HNRNPLL: variants seen among roughly 807,000 people sequenced by gnomAD.
HNRNPLL encodes the protein heterogeneous nuclear ribonucleoprotein L like.
Under a neutral mutation model 67.1 loss-of-function variants are expected in HNRNPLL, and 25 were observed. The ratio of observed to expected loss-of-function variants is 0.37; its 90% confidence interval spans 0.27 to 0.52. The LOEUF is 0.52. Ranked by LOEUF, HNRNPLL falls within the 20% of genes least tolerant of loss-of-function variation. The pLI, the probability that HNRNPLL is intolerant of heterozygous loss-of-function variation, is 0.90. For missense variants in HNRNPLL, 542 were observed against 673.9 expected, an observed-to-expected ratio of 0.80 and a Z score of 2.17; for synonymous variants, 267 against 241.7, an observed-to-expected ratio of 1.10 and a Z score of -0.97.
chr2:38,595,352 T>C (rs1667138308), intron 1 of HNRNPLL, among the ~76,000 whole-genome samples: 1 of 151,010 alleles, frequency 6.6e-6, no homozygotes, highest in Non-Finnish European at 1.5e-5. Flanking sequence ...TACTACCCCC[T>C]TCCCTTCCCA....
At chr2:38,588,546 C>CAAAAAAAAAAAA (rs70954733) in intron 2 of HNRNPLL, among the ~76,000 whole-genome samples, 32 of 51,002 alleles carry the variant, frequency 6.3e-4, no homozygotes, top group African/African-American at 1.6e-3. Context: ...AACTCCATCT[C>CAAAAAAAAAAAA]AAAAAAAAAA....
chr2:38,565,349 T>G (rs1439261279), intron 12 of HNRNPLL, among the ~76,000 whole-genome samples: 1 of 152,164 alleles, frequency 6.6e-6, no homozygotes, highest in African/African-American at 2.4e-5. Flanking sequence ...TTTTAAAACT[T>G]TCTCTCAAAA....
intron 8 of HNRNPLL, among the ~76,000 whole-genome samples, chr2:38,571,418 CGTA>C (rs1666079015): frequency 6.6e-6 from 1 of 152,140 alleles, no homozygotes; most frequent in South Asian, 2.1e-4. Context: ...ACACCTTCAA[CGTA>C]GTATTTCCTT....
At chr2:38,597,673 A>C (rs1373916821) in intron 1 of HNRNPLL, among the ~76,000 whole-genome samples, 2 of 151,362 alleles carry the variant, frequency 1.3e-5, no homozygotes, top group Non-Finnish European at 2.9e-5. Flanking sequence ...TGGCCATATG[A>C]GTCAAGTAAC....
rs1023923732 is a variant in HNRNPLL at position 38,602,162 on chromosome 2, C to CCCG, written c.189+273_189+275dup. The CCCG allele has an allele frequency of 2.3e-4, 108 of 471,282 alleles. No individual in the cohort carries two copies. In the East Asian group the frequency reaches 3.1e-3, roughly 14 times the overall value. 29.2% of individuals were successfully genotyped at this position (471,282 alleles called of 1,614,324 possible). On this transcript the variant is annotated intron_variant, in intron 1 of 12. Transcript: ENST00000449105. ...CCCCCCAGAGCGGAAGCGACGCCTCCCCGCCGCCGCCGCCGCGCCGCGACC... is the reference window on the plus strand; with the variant it reads ...CCCCCCAGAGCGGAAGCGACGCCTCCCCGCCGCCGCCGCCGCCGCGCCGCGACC...
At chr2:38,595,735 T>C (rs1053121311) in intron 1 of HNRNPLL, among the ~76,000 whole-genome samples, 2 of 152,118 alleles carry the variant, frequency 1.3e-5, no homozygotes, top group African/African-American at 4.8e-5. Flanking sequence ...TCCCAGCTAC[T>C]TGGAAGGCTG....
chr2:38,569,089 AG>A (rs767501445), intron 10 of HNRNPLL, 43 bp downstream of exon 10: 4 of 1,329,046 alleles, frequency 3.0e-6, no homozygotes, highest in Non-Finnish European at 4.3e-6. Context: ...ATTTTAAAAT[AG>A]GAAATAGCAA....
chr2:38,569,056 A>G (rs1665973189), intron 10 of HNRNPLL, 77 bp downstream of exon 10: 2 of 1,023,724 alleles, frequency 2.0e-6, no homozygotes, highest in Admixed American at 3.6e-5. Context: ...GAGCAAAACG[A>G]CTTCAAAATG....
At chr2:38,580,829 G>C (rs1666499308) in intron 6 of HNRNPLL, among the ~76,000 whole-genome samples, 1 of 152,100 alleles carries the variant, frequency 6.6e-6, no homozygotes, top group Non-Finnish European at 1.5e-5. Context: ...ATTCTATCTT[G>C]AACAGACATG....
chr2:38,595,673 A>G (rs918895288), intron 1 of HNRNPLL, among the ~76,000 whole-genome samples: 4 of 151,956 alleles, frequency 2.6e-5, no homozygotes, highest in Non-Finnish European at 5.9e-5. Context: ...GTGAAACCAC[A>G]TCTCTACTAA....
At chr2:38,602,096 C>T (rs1008804082) in intron 1 of HNRNPLL, 1 of 299,298 alleles carries the variant, frequency 3.3e-6, no homozygotes, top group African/African-American at 2.3e-5. Context: ...GGCCCCGAGC[C>T]CGAGGAGTTA....
intron 6 of HNRNPLL, chr2:38,581,340 C>CT (rs1474445657): frequency 6.5e-6 from 1 of 153,272 alleles, no homozygotes; most frequent in East Asian, 1.9e-4. Context: ...TGGGCACAGT[C>CT]TATCATGGTG....
chr2:38,569,400 G>A (rs1254948732), intron 9 of HNRNPLL, 66 bp from the exon 10 acceptor site: 1 of 1,124,230 alleles, frequency 8.9e-7, no homozygotes, highest in Non-Finnish European at 1.3e-6. Context: ...AGTAGTCTCA[G>A]AATGCTAATA....
intron 8 of HNRNPLL, among the ~76,000 whole-genome samples, chr2:38,572,512 C>G (rs1034471058): frequency 6.6e-6 from 1 of 152,014 alleles, no homozygotes; most frequent in African/African-American, 2.4e-5. Context: ...CTTAAGACTA[C>G]CATTCATTTT....
intron 3 of HNRNPLL, among the ~76,000 whole-genome samples, chr2:38,584,998 G>A (rs1012541053): frequency 6.6e-6 from 1 of 152,024 alleles, no homozygotes; most frequent in African/African-American, 2.4e-5. Flanking sequence ...TTAAGTTTAT[G>A]TCCCAATATC....
chr2:38,570,446 C>T (rs577270075), intron 8 of HNRNPLL, among the ~76,000 whole-genome samples: 1 of 152,078 alleles, frequency 6.6e-6, no homozygotes, highest in African/African-American at 2.4e-5. Flanking sequence ...TCTGTTAATG[C>T]AGTAAACAAG....
intron 12 of HNRNPLL, among the ~76,000 whole-genome samples, chr2:38,565,385 T>G (rs919748995): frequency 3.3e-5 from 5 of 152,050 alleles, no homozygotes; most frequent in African/African-American, 1.2e-4. Flanking sequence ...TTAATAAAAT[T>G]TCCTTTTTTT....
At chr2:38,594,741 G>A (rs1301668866) in intron 1 of HNRNPLL, among the ~76,000 whole-genome samples, 1 of 151,798 alleles carries the variant, frequency 6.6e-6, no homozygotes, top group Non-Finnish European at 1.5e-5. Context: ...CCTGAGGTCA[G>A]GAGTTCGAGA....
intron 1 of HNRNPLL, among the ~76,000 whole-genome samples, chr2:38,591,858 C>T (rs1162774451): frequency 6.6e-6 from 1 of 152,000 alleles, no homozygotes; most frequent in Non-Finnish European, 1.5e-5. Context: ...TGTCTGTAAT[C>T]CCAGCTACTC....
Sources: allele counts gnomAD v4.1 joint callset (sites outside exome capture counted in the v4.1 genomes callset), GRCh38; gene constraint gnomAD v4.1.1; transcripts MANE v1.5; gene names NCBI Gene and HGNC (gene_info 2026-07-23, HGNC 2026-07-21).